Variants in SLC71A1 observed in about 807,000 individuals in gnomAD.
SLC71A1 encodes the protein hippocampus abundant gene transcript 1.
At chr1:100,038,401 G>A in the SLC71A1 span, 1 of 1,121,624 alleles carries the variant, frequency 8.9e-7, no homozygotes, top group Non-Finnish European at 1.3e-6. Context: ...GTCTCTAGGC[G>A]TCCCGGTGCC....
chr1:100,077,414 A>C, the SLC71A1 span: 1 of 583,906 alleles, frequency 1.7e-6, no homozygotes, highest in Non-Finnish European at 3.0e-6. Flanking sequence ...GTCTAATATA[A>C]GTCTGCCACT....
the SLC71A1 span, among the ~76,000 whole-genome samples, chr1:100,067,608 C>T: frequency 2.0e-5 from 3 of 151,904 alleles, no homozygotes; most frequent in Non-Finnish European, 4.4e-5. Flanking sequence ...CTCAGGAGTT[C>T]GAGACTAGCC....
At chr1:100,044,907 C>G in the SLC71A1 span, among the ~76,000 whole-genome samples, 3 of 152,110 alleles carry the variant, frequency 2.0e-5, no homozygotes, top group African/African-American at 4.8e-5. Flanking sequence ...GTAACTGTAG[C>G]CTTTTGTATA....
the SLC71A1 span, among the ~76,000 whole-genome samples, chr1:100,043,694 T>C: frequency 2.6e-5 from 4 of 152,218 alleles, no homozygotes; most frequent in African/African-American, 9.7e-5. Flanking sequence ...GTACCCAATA[T>C]ATAGTCTTTT....
chr1:100,076,896 A>G, the SLC71A1 span, among the ~76,000 whole-genome samples: 5 of 152,166 alleles, frequency 3.3e-5, no homozygotes, highest in African/African-American at 1.2e-4. Context: ...TCCATTTTCA[A>G]CTACTGATTT....
the SLC71A1 span, among the ~76,000 whole-genome samples, chr1:100,066,988 CAAAAAAAAA>C: frequency 2.9e-5 from 2 of 69,306 alleles, no homozygotes; most frequent in African/African-American, 1.3e-4. Context: ...GACTCCGTCT[CAAAAAAAAA>C]AAAAAAAAAA....
chr1:100,056,605 C>T, the SLC71A1 span, among the ~76,000 whole-genome samples: 6 of 152,172 alleles, frequency 3.9e-5, no homozygotes, highest in South Asian at 6.2e-4. Context: ...AGCCCAACTC[C>T]GTCTCAAACA....
chr1:100,082,511 A>C, the SLC71A1 span: 1 of 324,154 alleles, frequency 3.1e-6, no homozygotes, highest in African/African-American at 2.1e-5. Context: ...GATATTAGCA[A>C]ATGTCTCTGC....
the SLC71A1 span, among the ~76,000 whole-genome samples, chr1:100,054,057 A>G: frequency 2.1e-3 from 217 of 103,482 alleles, no homozygotes; most frequent in Non-Finnish European, 3.7e-3. Context: ...TTTTTTTTTC[A>G]TTGAGACGGA....
the SLC71A1 span, among the ~76,000 whole-genome samples, chr1:100,054,171 A>T: frequency 6.6e-6 from 1 of 150,488 alleles, no homozygotes; most frequent in South Asian, 2.1e-4. Context: ...CCTCCCCAGT[A>T]GCTGGAATTA....
chr1:100,045,715 A>AT, the SLC71A1 span, among the ~76,000 whole-genome samples: 1 of 151,942 alleles, frequency 6.6e-6, no homozygotes, highest in Non-Finnish European at 1.5e-5. Context: ...ATTTTATTTT[A>AT]TTTTTTATTT....
chr1:100,074,882 A>G, the SLC71A1 span, among the ~76,000 whole-genome samples: 1 of 152,072 alleles, frequency 6.6e-6, no homozygotes, highest in Non-Finnish European at 1.5e-5. Context: ...CTCAAAAGAA[A>G]AAAAAACCCA....
the SLC71A1 span, among the ~76,000 whole-genome samples, chr1:100,053,312 G>A: frequency 7.9e-5 from 12 of 152,092 alleles, no homozygotes; most frequent in Non-Finnish European, 1.5e-4. Context: ...TGTGTAAAGA[G>A]GTGGGTTTCT....
chr1:100,040,718 C>T, the SLC71A1 span, among the ~76,000 whole-genome samples: 1 of 152,166 alleles, frequency 6.6e-6, no homozygotes, highest in African/African-American at 2.4e-5. Flanking sequence ...CCTTGGCCTC[C>T]CAAAGTGCAG....
the SLC71A1 span, among the ~76,000 whole-genome samples, chr1:100,046,124 T>A: frequency 6.6e-6 from 1 of 151,994 alleles, no homozygotes; most frequent in Non-Finnish European, 1.5e-5. Context: ...TGTCTATGTA[T>A]CTGTTTTTAT....
the SLC71A1 span, chr1:100,062,171 CAG>C: frequency 2.4e-6 from 1 of 412,880 alleles, no homozygotes; most frequent in Non-Finnish European, 4.3e-6. Context: ...AGTCACATGT[CAG>C]AATTGAAATT....
the SLC71A1 span, among the ~76,000 whole-genome samples, chr1:100,040,932 T>C: frequency 6.6e-6 from 1 of 152,190 alleles, no homozygotes; most frequent in Admixed American, 6.5e-5. Flanking sequence ...TGTCTGAGGC[T>C]CTATGGTCGG....
chr1:100,050,727 T>A, the SLC71A1 span, among the ~76,000 whole-genome samples: 1 of 152,188 alleles, frequency 6.6e-6, no homozygotes, highest in South Asian at 2.1e-4. Flanking sequence ...TGAACTAGCC[T>A]AAGAACATTT....
chr1:100,060,008 A>G, the SLC71A1 span: 4 of 1,604,094 alleles, frequency 2.5e-6, no homozygotes, highest in Non-Finnish European at 3.4e-6. Flanking sequence ...AGCCCATGGT[A>G]TGTGCACATT....
Sources: gnomAD v4.1 joint callset for allele counts (sites outside exome capture counted in the v4.1 genomes callset) on GRCh38, gnomAD v4.1.1 for gene constraint, MANE v1.5 for transcripts, NCBI Gene and HGNC (gene_info 2026-07-23, HGNC 2026-07-21) for gene names.